Variants in CNTNAP5 observed in about 807,000 individuals in gnomAD.
CNTNAP5 encodes contactin-associated protein-like 5.
In CNTNAP5, 72 loss-of-function variants were observed where a neutral mutation model predicts 150.2. That is an observed-to-expected ratio of 0.48 (90% confidence interval 0.40 to 0.58). The LOEUF is 0.58. CNTNAP5 is among the 20% of genes least tolerant of loss of function. The pLI, the probability that CNTNAP5 is intolerant of heterozygous loss-of-function variation, is 0.00. For synonymous variants in CNTNAP5, 672 were observed against 619.8 expected (o/e 1.08, Z -1.25); for missense variants, 1,636 against 1,626.2 (o/e 1.01, Z -0.10).
At chr2:124,904,217 A>T (rs1454546434) in intron 22 of CNTNAP5, among the ~76,000 whole-genome samples, 1 of 152,058 alleles carries the variant, frequency 6.6e-6, no homozygotes, top group Non-Finnish European at 1.5e-5. Context: ...CATATAAGTT[A>T]TATCATATAG....
At chr2:124,831,161 T>G (rs143197567) in intron 19 of CNTNAP5, among the ~76,000 whole-genome samples, 1 of 152,130 alleles carries the variant, frequency 6.6e-6, no homozygotes, top group East Asian at 1.9e-4. Context: ...ATATAAAACA[T>G]ATCTTTCATA....
intron 7 of CNTNAP5, among the ~76,000 whole-genome samples, chr2:124,483,189 T>G (rs548466124): frequency 2.6e-5 from 4 of 152,282 alleles, no homozygotes; most frequent in Admixed American, 2.0e-4. Context: ...CTCAAAATAT[T>G]CACCAGGTTC....
chr2:124,888,456 A>G (rs1287342810), intron 21 of CNTNAP5, among the ~76,000 whole-genome samples: 1 of 152,110 alleles, frequency 6.6e-6, no homozygotes, highest in Admixed American at 6.6e-5. Flanking sequence ...CTTTTTTAAT[A>G]TATACCTAGT....
intron 13 of CNTNAP5, among the ~76,000 whole-genome samples, chr2:124,664,516 G>C (rs1678658142): frequency 6.6e-6 from 1 of 152,056 alleles, no homozygotes; most frequent in Non-Finnish European, 1.5e-5. Context: ...CCAGCACCCG[G>C]AGTGATAGAG....
chr2:124,386,097 C>A (rs550544942), intron 3 of CNTNAP5, among the ~76,000 whole-genome samples: 1 of 152,144 alleles, frequency 6.6e-6, no homozygotes, highest in Non-Finnish European at 1.5e-5. Context: ...AGCTGCATTT[C>A]CTGTGGAGTG....
At chr2:124,442,121 A>G (rs1030379239) in intron 5 of CNTNAP5, among the ~76,000 whole-genome samples, 1 of 152,160 alleles carries the variant, frequency 6.6e-6, no homozygotes, top group African/African-American at 2.4e-5. Context: ...GGATGCAATG[A>G]GAGTGGCAAA....
intron 10 of CNTNAP5, among the ~76,000 whole-genome samples, chr2:124,533,843 A>G (rs1490545251): frequency 6.6e-6 from 1 of 152,182 alleles, no homozygotes. Context: ...TGGTTCTAGA[A>G]CAGCTACAGC....
At chr2:124,691,644 C>G (rs1375708564) in intron 13 of CNTNAP5, among the ~76,000 whole-genome samples, 4 of 152,078 alleles carry the variant, frequency 2.6e-5, no homozygotes, top group Admixed American at 6.6e-5. Flanking sequence ...ATAGCACAGT[C>G]GCTGGCACCT....
In CNTNAP5 at chr2:124,902,954, A is replaced by G. The variant is rs1234078682; in HGVS notation, c.3509A>G (p.Gln1170Arg). ...TTTGCTGGATGCATGTCTTCCGTCC[A>G]GTACAACCACATAGCACCACTGAAG... is the stretch of plus-strand genomic sequence containing the variant. ...MGFAGCMSSV[Q>R]YNHIAPLKAA... The change falls in exon 22 of 24, where the codon CAG (glutamine) becomes CGG (arginine). Residue 1170 changes from glutamine to arginine, a missense_variant. Gln to Arg is a conservative substitution (Grantham distance 43). Coordinates refer to ENST00000682447, the MANE Select transcript of CNTNAP5 (RefSeq NM_001367498.1). The G allele has an allele frequency of 3.7e-6, 6 of 1,613,256 alleles. No homozygotes were observed. The African/African-American group carries it at 6.7e-5, about 18-fold the overall frequency.
At chr2:124,576,889 A>T (rs1248812682) in intron 11 of CNTNAP5, among the ~76,000 whole-genome samples, 2 of 152,240 alleles carry the variant, frequency 1.3e-5, no homozygotes, top group Non-Finnish European at 2.9e-5. Context: ...TTACTTCGTC[A>T]GTCCTCTACA....
chr2:124,415,407 G>A (rs189560749), intron 3 of CNTNAP5, among the ~76,000 whole-genome samples: 62 of 152,276 alleles, frequency 4.1e-4, no homozygotes, highest in African/African-American at 1.3e-3. Context: ...ATTAGCTAGC[G>A]GGTGTTTTGT....
At chr2:124,793,698 G>T (rs954945298) in intron 18 of CNTNAP5, among the ~76,000 whole-genome samples, 1 of 152,044 alleles carries the variant, frequency 6.6e-6, no homozygotes, top group Admixed American at 6.6e-5. Context: ...CATATTTGTT[G>T]TGAGGTAGGG....
chr2:124,833,421 G>A (rs1482050726), intron 19 of CNTNAP5, among the ~76,000 whole-genome samples: 2 of 152,174 alleles, frequency 1.3e-5, no homozygotes, highest in African/African-American at 4.8e-5. Context: ...TCCCCACAAT[G>A]TTCCAAATGG....
At chr2:124,167,460 C>G (rs1009500364) in intron 1 of CNTNAP5, among the ~76,000 whole-genome samples, 1 of 152,124 alleles carries the variant, frequency 6.6e-6, no homozygotes, top group Non-Finnish European at 1.5e-5. Context: ...TCTCACTTTT[C>G]TCAACACTGC....
chr2:124,649,384 C>T (rs941466780), intron 13 of CNTNAP5, among the ~76,000 whole-genome samples: 1 of 152,152 alleles, frequency 6.6e-6, no homozygotes, highest in Non-Finnish European at 1.5e-5. Context: ...CAGCACAGTT[C>T]TCAGGGTGCC....
intron 3 of CNTNAP5, among the ~76,000 whole-genome samples, chr2:124,274,633 C>A (rs1385242620): frequency 1.3e-5 from 2 of 152,168 alleles, no homozygotes; most frequent in Non-Finnish European, 2.9e-5. Context: ...CAGAGTGGGA[C>A]TCCAGACGTG....
intron 1 of CNTNAP5, among the ~76,000 whole-genome samples, chr2:124,059,564 C>G (rs923465287): frequency 1.7e-4 from 26 of 152,120 alleles, no homozygotes; most frequent in Non-Finnish European, 4.4e-5. Flanking sequence ...CCTGTAGCAG[C>G]CTTTGTCATA....
At chr2:124,506,400 G>A (rs1694408494) in intron 8 of CNTNAP5, among the ~76,000 whole-genome samples, 1 of 152,142 alleles carries the variant, frequency 6.6e-6, no homozygotes, top group Admixed American at 6.5e-5. Flanking sequence ...GGAAGGGTGT[G>A]TGACTGAAGT....
chr2:124,785,385 C>G (rs528155463), intron 17 of CNTNAP5, among the ~76,000 whole-genome samples: 5 of 152,148 alleles, frequency 3.3e-5, no homozygotes, highest in Admixed American at 3.3e-4. Context: ...GAGGAACTAA[C>G]TAGAATTTTT....
Sources: gnomAD v4.1 joint callset for allele counts (sites outside exome capture counted in the v4.1 genomes callset) on GRCh38, gnomAD v4.1.1 for gene constraint, MANE v1.5 for transcripts, NCBI Gene and HGNC (gene_info 2026-07-23, HGNC 2026-07-21) for gene names.